The following PLEKHG3 variants were observed in gnomAD, a reference collection of about 807,000 sequenced individuals.
PLEKHG3 encodes pleckstrin homology domain-containing family G member 3.
In PLEKHG3, 62 loss-of-function variants were observed where a neutral mutation model predicts 94.9. The observed-to-expected ratio is 0.65, with a 90% CI of 0.53 to 0.81. The LOEUF is 0.81. Ranked by LOEUF, PLEKHG3 falls within the 30% of genes least tolerant of loss-of-function variation. PLEKHG3 has a pLI of 0.00. For missense variants in PLEKHG3, 1,461 were observed against 1,619.3 expected, an observed-to-expected ratio of 0.90 and a Z score of 1.68; for synonymous variants, 614 against 654.0, an observed-to-expected ratio of 0.94 and a Z score of 0.93.
intron 1 of PLEKHG3, among the ~76,000 whole-genome samples, chr14:64,712,195 C>T (rs1250277098): frequency 2.0e-5 from 3 of 152,066 alleles, no homozygotes; most frequent in South Asian, 2.1e-4. Context: ...TATGTCTGCC[C>T]TTACACCGGT....
chr14:64,729,422 C>T (rs1262105697), intron 3 of PLEKHG3, among the ~76,000 whole-genome samples: 3 of 152,316 alleles, frequency 2.0e-5, no homozygotes, highest in East Asian at 1.9e-4. Context: ...CTTCATTTTC[C>T]ATTTGCACAT....
Position 64,731,681 on chromosome 14 carries a change from T to C in PLEKHG3, c.1033-33T>C, listed in dbSNP as rs1199557256. On this transcript the variant is annotated intron_variant, in intron 8 of 16. Coordinates refer to ENST00000247226, the MANE Select transcript of PLEKHG3 (RefSeq NM_001308147.2). This position sits in a 1 kb window ranked among gnomAD's most constrained non-coding sequence, Gnocchi z 6.1. ...TCCCTGCTTCCCCAGGCTGTCAACC[T>C]TGTGCTTGACTGTCCTTTCCCTCTG... The C allele has an allele frequency of 6.4e-7, 1 of 1,557,270 alleles. No individual in the cohort carries two copies. Among genetic ancestry groups the C allele is most frequent in the East Asian group, 2.2e-5 (1 of 44,568 alleles).
intron 12 of PLEKHG3, among the ~76,000 whole-genome samples, chr14:64,734,741 C>A (rs1258758068): frequency 7.5e-6 from 1 of 134,126 alleles, no homozygotes; most frequent in African/African-American, 2.7e-5. Flanking sequence ...TTCCTTCCTT[C>A]CTTCCTTCCT....
In PLEKHG3 at chr14:64,716,635, G is replaced by A. The variant is rs1230504820; in HGVS notation, c.-39-10958G>A. ...GTGGTTGTTTTGGATCAAACCAAGC[G>A]TCAGCTGGTAGAGCAGTTGAAAGGA... On this transcript the variant is annotated intron_variant, in intron 1 of 16. Coordinates refer to ENST00000247226, the MANE Select transcript of PLEKHG3 (RefSeq NM_001308147.2). This position sits in a 1 kb window ranked among gnomAD's most constrained non-coding sequence, Gnocchi z 5.0. Among the ~76,000 whole-genome samples, 2 of 151,844 alleles carry A rather than the reference G, an allele frequency of 1.3e-5. No individual in the cohort carries two copies. Among genetic ancestry groups the A allele is most frequent in the South Asian group, 2.1e-4 (1 of 4,818 alleles).
rs1273759856 is a variant in PLEKHG3 at position 64,728,478 on chromosome 14, AC to A, written c.351+498del. Among the ~76,000 whole-genome samples, 1 of 152,220 alleles carries A rather than the reference AC, an allele frequency of 6.6e-6. No homozygotes were observed. Among genetic ancestry groups the A allele is most frequent in the African/African-American group, 2.4e-5 (1 of 41,452 alleles). On this transcript the variant is annotated intron_variant, in intron 2 of 16. Coordinates refer to ENST00000247226, the MANE Select transcript of PLEKHG3 (RefSeq NM_001308147.2). The surrounding 1 kb of genome is among the most constrained non-coding windows in gnomAD (Gnocchi z 5.9). ...TTTCCTAGGGCTGCCTTAACAAATG[AC>A]CACACACTGGGTGGCTTAAAACAGC...
Position 64,732,205 on chromosome 14 carries a change from G to T in PLEKHG3, c.1212+24G>T. ...AGGTGAGTTCCCCCAGCTCCTGACTGTGTGCAAGGAGAATGTGCTCCTCTG... is the reference window on the plus strand; with the variant it reads ...AGGTGAGTTCCCCCAGCTCCTGACTTTGTGCAAGGAGAATGTGCTCCTCTG... On this transcript the variant is annotated intron_variant, in intron 10 of 16. Transcript: ENST00000247226. This position sits in a 1 kb window ranked among gnomAD's most constrained non-coding sequence, Gnocchi z 4.9. 6.3e-7 allele frequency: 1 copy of T among 1,585,744 alleles called. No homozygotes were observed. Among genetic ancestry groups the T allele is most frequent in the Non-Finnish European group, 8.7e-7 (1 of 1,154,170 alleles).
In PLEKHG3 at chr14:64,742,103, C is replaced by G; in HGVS notation, c.2586C>G (p.Ala862=). 1 of 1,610,456 alleles carries G rather than the reference C, an allele frequency of 6.2e-7. No individual in the cohort carries two copies. Among genetic ancestry groups the G allele is most frequent in the Non-Finnish European group, 8.5e-7 (1 of 1,179,750 alleles). The change falls in exon 16 of 17, where the codon GCC becomes GCG. Residue 862 remains alanine (A), a synonymous_variant. Coordinates refer to ENST00000247226, the MANE Select transcript of PLEKHG3 (RefSeq NM_001308147.2). ...HELGAITEES[A]TASPESSSPT... ...TGGGAGCCATCACAGAGGAGTCGGC[C>G]ACTGCCTCCCCGGAAAGCTCCTCTC...
rs1416167000 is a variant in PLEKHG3, at chr14:64,741,027, A to G, written c.1519-9A>G. The G allele has an allele frequency of 5.8e-6, 9 of 1,555,706 alleles. No individual in the cohort carries two copies. In the African/African-American group the frequency reaches 6.9e-5, roughly 12 times the overall value. On this transcript the variant is annotated splice_polypyrimidine_tract_variant and intron_variant, in intron 15 of 16. Coordinates refer to ENST00000247226, the MANE Select transcript of PLEKHG3 (RefSeq NM_001308147.2). ...TTTACTCATGTGAGCCTTTTCTGCT[A>G]TGTTTCAGGTTGAGCCGGACCCTGA...
At position 64,746,273 on chromosome 14, in the gene PLEKHG3, G is replaced by T. The variant is rs2081834511; in HGVS notation, c.*2570G>T. ...GAGGAGGCTAGTTAAATAAGAAACT[G>T]AGAGAAACATGGAGCATTATTGATT... On this transcript the variant is annotated 3_prime_UTR_variant, in exon 17 of 17. Coordinates refer to ENST00000247226, the MANE Select transcript of PLEKHG3 (RefSeq NM_001308147.2). This position sits in a 1 kb window ranked among gnomAD's most constrained non-coding sequence, Gnocchi z 4.9. The T allele has an allele frequency of 6.6e-6, 1 of 152,320 alleles. No homozygotes were observed. The highest frequency in any genetic ancestry group is 2.4e-5 in the African/African-American group (1 of 41,440). 9.4% of individuals were successfully genotyped at this position (152,320 alleles called of 1,614,324 possible). A position where few individuals can be genotyped will look rare whatever the true frequency, so the allele number is the denominator to read the frequency against.
chr14:64,731,207 T>TGGGTG lies in PLEKHG3; in HGVS notation c.849+41_849+45dup. The TGGGTG allele has an allele frequency of 2.6e-6, 2 of 763,710 alleles. No individual in the cohort carries two copies. Among genetic ancestry groups the TGGGTG allele is most frequent in the Non-Finnish European group, 4.3e-6 (2 of 462,886 alleles). The allele number at this position is 763,710 out of a possible 1,614,324, so 47.3% of individuals were successfully genotyped here. A position where few individuals can be genotyped will look rare whatever the true frequency, so the allele number is the denominator to read the frequency against. On this transcript the variant is annotated intron_variant, in intron 7 of 16. Coordinates refer to ENST00000247226, the MANE Select transcript of PLEKHG3 (RefSeq NM_001308147.2). The surrounding 1 kb of genome is among the most constrained non-coding windows in gnomAD (Gnocchi z 6.1). ...TGGGACGCTGGGGGAGGGGCAGGGC[T>TGGGTG]GGGTGGGCCAGGCTTCCGCTGGGAA...
Position 64,730,310 on chromosome 14 carries a change from A to C in PLEKHG3, c.517A>C (p.Arg173=). 3 of 1,528,256 alleles carry C rather than the reference A, an allele frequency of 2.0e-6. No homozygotes were observed. Among genetic ancestry groups the C allele is most frequent in the Non-Finnish European group, 2.6e-6 (3 of 1,139,780 alleles). The allele number at this position is 1,528,256 out of a possible 1,614,324, so 94.7% of individuals were successfully genotyped here. ...GGCTGTGGCCAGCTGCTTTGTGGAA[A>C]GGGTAAGAAGGGCTGGGTCCTTGCC... ...PVAVASCFVE[R]SQEFDIYTQY... is the part of the protein sequence containing the mutation. Residue 173 remains arginine (R), a splice_region_variant and synonymous_variant, in exon 4 of 17, where the codon AGG becomes CGG. Transcript: ENST00000247226. The surrounding 1 kb of genome is among the most constrained non-coding windows in gnomAD (Gnocchi z 5.4).
intron 3 of PLEKHG3, among the ~76,000 whole-genome samples, chr14:64,729,580 G>A (rs2081419938): frequency 6.6e-6 from 1 of 152,196 alleles, no homozygotes; most frequent in Admixed American, 6.5e-5. Flanking sequence ...AAAGGCATGG[G>A]TCTCCTGCCT....
In PLEKHG3 at chr14:64,748,009, G is replaced by A. The variant is rs757776842; in HGVS notation, c.*4306G>A. The A allele has an allele frequency of 1.3e-5, 2 of 152,156 alleles. No homozygotes were observed. The highest frequency in any genetic ancestry group is 2.9e-5 in the Non-Finnish European group (2 of 68,084). 9.4% of individuals were successfully genotyped at this position (152,156 alleles called of 1,614,324 possible). On this transcript the variant is annotated 3_prime_UTR_variant, in exon 17 of 17. Coordinates refer to ENST00000247226, the MANE Select transcript of PLEKHG3 (RefSeq NM_001308147.2). ...GAGCTTCTGGTGCTCAGGGCTGGAG[G>A]GTGGTAGATATTTGACCTCTGTACT...
At position 64,746,529 on chromosome 14, in the gene PLEKHG3, C is replaced by A. The variant is rs60242081; in HGVS notation, c.*2826C>A. On this transcript the variant is annotated 3_prime_UTR_variant, in exon 17 of 17. Coordinates refer to ENST00000247226, the MANE Select transcript of PLEKHG3 (RefSeq NM_001308147.2). The surrounding 1 kb of genome is among the most constrained non-coding windows in gnomAD (Gnocchi z 4.9). ...TCATCCTCCTCTGGATTCCTGCCCC[C>A]CTCCCATGAAGGGAGGAAGAGGATT... is the stretch of plus-strand genomic sequence containing the variant. 2 of 152,632 alleles carry A rather than the reference C, an allele frequency of 1.3e-5. No homozygotes were observed. Among genetic ancestry groups the A allele is most frequent in the Non-Finnish European group, 2.9e-5 (2 of 68,078 alleles). The allele number at this position is 152,632 out of a possible 1,614,324, so 9.5% of individuals were successfully genotyped here.
At position 64,743,009 on chromosome 14, in the gene PLEKHG3, T is replaced by A; in HGVS notation, c.2966T>A (p.Phe989Tyr). 6.2e-7 allele frequency: 1 copy of A among 1,613,320 alleles called. No homozygotes were observed. Among genetic ancestry groups the A allele is most frequent in the South Asian group, 1.1e-5 (1 of 91,086 alleles). The change falls in exon 17 of 17, where the codon TTT becomes TAT. Residue 989 changes from phenylalanine (F) to tyrosine (Y), a missense_variant. Physicochemically the swap from Phe to Tyr is conservative, Grantham distance 22. This residue lies in a region of PLEKHG3 where 1,201 missense variants were observed against 1,295.5 expected (regional missense o/e 0.93). Transcript: ENST00000247226. The surrounding 1 kb of genome is among the most constrained non-coding windows in gnomAD (Gnocchi z 7.2). ...KGKRKPVLSL[F>Y]DYEQLMAQEH... ...AAGAGGAAGCCGGTGCTGTCTCTAT[T>A]TGACTATGAGCAGCTGATGGCCCAG...
rs1345605285 is a variant in PLEKHG3 at position 64,727,173 on chromosome 14, G to A, written c.-39-420G>A. Among the ~76,000 whole-genome samples, 1 of 152,090 alleles carries A rather than the reference G, an allele frequency of 6.6e-6. No homozygotes were observed. Among genetic ancestry groups the A allele is most frequent in the Middle Eastern group, 3.2e-3 (1 of 316 alleles). ...TACAGGTGAGGAGCTGAGGCTCTGAGGGACTAAGTACTGTGCCCCAGCAGT... is the reference window on the plus strand; with the variant it reads ...TACAGGTGAGGAGCTGAGGCTCTGAAGGACTAAGTACTGTGCCCCAGCAGT... On this transcript the variant is annotated intron_variant, in intron 1 of 16. Coordinates refer to ENST00000247226, the MANE Select transcript of PLEKHG3 (RefSeq NM_001308147.2). The surrounding 1 kb of genome is among the most constrained non-coding windows in gnomAD (Gnocchi z 6.0).
chr14:64,709,677 A>AGGTGCC (rs1462112396), intron 1 of PLEKHG3, among the ~76,000 whole-genome samples: 2 of 152,016 alleles, frequency 1.3e-5, no homozygotes, highest in Non-Finnish European at 2.9e-5. Flanking sequence ...TGGTTTCTAC[A>AGGTGCC]GGTGCCGGAA....
chr14:64,742,539 G>A lies in PLEKHG3; in HGVS notation c.2938+84G>A, dbSNP rs1331633549. On this transcript the variant is annotated intron_variant, in intron 16 of 16. Coordinates refer to ENST00000247226, the MANE Select transcript of PLEKHG3 (RefSeq NM_001308147.2). Reference sequence around the variant, plus strand: ...GGAGCCACTTGGCTCCTCGGGGAAAGTGACCTCTAAGGAGGCTCTACCAAA... The same window carrying A: ...GGAGCCACTTGGCTCCTCGGGGAAAATGACCTCTAAGGAGGCTCTACCAAA... 2.9e-6 allele frequency: 3 copies of A among 1,040,290 alleles called. No individual in the cohort carries two copies. In the African/African-American group the frequency reaches 4.8e-5, roughly 17 times the overall value. The allele number at this position is 1,040,290 out of a possible 1,614,324, so 64.4% of individuals were successfully genotyped here. A position where few individuals can be genotyped will look rare whatever the true frequency, so the allele number is the denominator to read the frequency against.
chr14:64,748,940 T>C lies in PLEKHG3; in HGVS notation c.*5237T>C. The C allele has an allele frequency of 1.8e-5, 3 of 163,064 alleles. No homozygotes were observed. Among genetic ancestry groups the C allele is most frequent in the Non-Finnish European group, 3.9e-5 (3 of 75,976 alleles). 10.1% of individuals were successfully genotyped at this position (163,064 alleles called of 1,614,324 possible). ...CCCCATCAGCCTTCTCCAGCTCTTT[T>C]TTTTTTTTTTTTTTGGTTGGGGGTA... On this transcript the variant is annotated 3_prime_UTR_variant, in exon 17 of 17. Transcript: ENST00000247226.
Sources: allele counts gnomAD v4.1 joint callset (sites outside exome capture counted in the v4.1 genomes callset), GRCh38; gene constraint gnomAD v4.1.1; regional missense constraint gnomAD v4.1.1; non-coding constraint Gnocchi (gnomAD v3.1); transcripts MANE v1.5; gene names NCBI Gene and HGNC (gene_info 2026-07-23, HGNC 2026-07-21).